The following SSUH2 variants were observed in gnomAD, a reference collection of about 807,000 sequenced individuals.
SSUH2 encodes the protein protein SSUH2 homolog.
In SSUH2, 47 loss-of-function variants were observed where a neutral mutation model predicts 55.3. The ratio of observed to expected loss-of-function variants is 0.85; its 90% CI spans 0.67 to 1.08. SSUH2 has a LOEUF of 1.08. Among genes scored for constraint, SSUH2 ranks in the 50% least tolerant of loss-of-function variants. The pLI is 0.00. For missense variants in SSUH2, 535 were observed against 490.7 expected (o/e 1.09, Z -0.85); for synonymous variants, 212 against 191.5 (o/e 1.11, Z -0.89).
upstream of SSUH2, among the ~76,000 whole-genome samples, chr3:8,646,562 T>C (rs1372077837): frequency 6.6e-6 from 1 of 152,172 alleles, no homozygotes; most frequent in African/African-American, 2.4e-5. Context: ...GATCACATAA[T>C]AGTAAGTTAA....
chr3:8,629,671 G>A lies in SSUH2; in HGVS notation c.581C>T (p.Ala194Val), dbSNP rs147390828. The change falls in exon 7 of 12, where the codon GCG becomes GTG. Residue 194 changes from alanine to valine, a missense_variant. By Grantham distance (64) the Ala-to-Val change is moderately conservative. Coordinates refer to ENST00000544814, the MANE Select transcript of SSUH2 (RefSeq NM_001256748.3). ...GGTTCACAGATGACTCACCGTGCCC[G>A]CCCCGTGGCAGCCGCTGCACTTGTA... ...GRYKCSGCHG[A>V]GTVRCPSCCG... 3.7e-5 allele frequency: 40 copies of A among 1,084,218 alleles called. No individual in the cohort carries two copies. The highest frequency in any genetic ancestry group is 2.5e-4 in the East Asian group (8 of 32,508). The allele number at this position is 1,084,218 out of a possible 1,614,324, so 67.2% of individuals were successfully genotyped here. A position where few individuals can be genotyped will look rare whatever the true frequency, so the allele number is the denominator to read the frequency against.
In SSUH2 at chr3:8,633,769, G is replaced by A; in HGVS notation, c.236C>T (p.Ala79Val). The A allele has an allele frequency of 2.5e-6, 4 of 1,611,614 alleles. No homozygotes were observed. Among genetic ancestry groups the A allele is most frequent in the Non-Finnish European group, 3.4e-6 (4 of 1,178,514 alleles). Residue 79 changes from alanine to valine, a missense_variant, in exon 4 of 12, where the codon GCC (alanine) becomes GTC (valine). Physicochemically the swap from Ala to Val is moderately conservative, Grantham distance 64. Coordinates refer to ENST00000544814, the MANE Select transcript of SSUH2 (RefSeq NM_001256748.3). The part of the protein sequence containing the change: ...HRVPAMTEEV[A>V]REALLSFVDS... ...CACAAAGCTGAGGAGGGCTTCCCGG[G>A]CCACCTCCTCCGTCATCGCAGGGAC... is the stretch of plus-strand genomic sequence containing the variant.
chr3:8,637,942 T>G (rs1700194310), intron 1 of SSUH2, among the ~76,000 whole-genome samples: 1 of 152,174 alleles, frequency 6.6e-6, no homozygotes, highest in Non-Finnish European at 1.5e-5. Context: ...CCCTGTCCCT[T>G]CAAGTTTAAT....
chr3:8,679,595 C>T (rs1445688181), intron 2 of SSUH2: 7 of 164,644 alleles, frequency 4.3e-5, no homozygotes, highest in South Asian at 2.0e-4. Flanking sequence ...CTTGGGACCC[C>T]CATCGAAGGG....
chr3:8,623,711 G>C (rs1559283630), intron 10 of SSUH2, 55 bp from the exon 11 acceptor site: 3 of 937,006 alleles, frequency 3.2e-6, no homozygotes, highest in Non-Finnish European at 3.3e-6. Context: ...TGGAGCCTTG[G>C]AAGTCACTGG....
chr3:8,658,041 A>T (rs1053208995), intron 7 of SSUH2, among the ~76,000 whole-genome samples: 2 of 152,116 alleles, frequency 1.3e-5, no homozygotes, highest in African/African-American at 4.8e-5. Context: ...AAGAGCATCC[A>T]CTCTGCAGTG....
intron 7 of SSUH2, among the ~76,000 whole-genome samples, chr3:8,658,532 A>G (rs1265125514): frequency 6.6e-6 from 1 of 152,198 alleles, no homozygotes; most frequent in African/African-American, 2.4e-5. Flanking sequence ...TCTGTGATGC[A>G]TTCTTGGGCT....
At position 8,633,811 on chromosome 3, in the gene SSUH2, CAG is replaced by C; in HGVS notation, c.210-18_210-17del. 6.2e-7 allele frequency: 1 copy of C among 1,613,784 alleles called. No individual in the cohort carries two copies. The highest frequency in any genetic ancestry group is 8.5e-7 in the Non-Finnish European group (1 of 1,179,988). On this transcript the variant is annotated splice_polypyrimidine_tract_variant and intron_variant, in intron 3 of 11. Transcript: ENST00000544814. ...CGCAGGGACTCTGCAGGGGACCGAA[CAG>C]AGAGGCGGGGGCTTCTGGGAAGGGC...
intron 5 of SSUH2, chr3:8,664,041 C>T (rs936368475): frequency 3.3e-5 from 11 of 335,184 alleles, no homozygotes; most frequent in South Asian, 6.9e-5. Context: ...CATGTCAACA[C>T]GAGGTTTCTG....
chr3:8,655,869 G>A (rs1702888362), intron 7 of SSUH2, among the ~76,000 whole-genome samples: 1 of 152,148 alleles, frequency 6.6e-6, no homozygotes, highest in African/African-American at 2.4e-5. Flanking sequence ...AACCCGCTCT[G>A]TTCTATCCTA....
At chr3:8,646,499 A>G (rs1040554506), upstream of SSUH2, among the ~76,000 whole-genome samples, 2 of 152,202 alleles carry the variant, frequency 1.3e-5, no homozygotes, top group Non-Finnish European at 2.9e-5. Context: ...GTATTTTCGT[A>G]ACCAGGAAGT....
intron 11 of SSUH2, among the ~76,000 whole-genome samples, chr3:8,620,760 G>A (rs182033756): frequency 1.3e-3 from 205 of 152,272 alleles, no homozygotes; most frequent in Admixed American, 2.4e-3. Flanking sequence ...GGATAAAGTC[G>A]GTTTAAACAT....
chr3:8,626,537 G>GCCCCCCCCCCCCCCCC (rs58662232), intron 8 of SSUH2, among the ~76,000 whole-genome samples: 1 of 107,654 alleles, frequency 9.3e-6, no homozygotes, highest in African/African-American at 3.6e-5. Context: ...TCTAGGGCCT[G>GCCCCCCCCCCCCCCCC]CCCCCCCCCC....
At chr3:8,634,451 C>G (rs1325920803) in intron 3 of SSUH2, 2 of 1,290,160 alleles carry the variant, frequency 1.6e-6, no homozygotes, top group Admixed American at 2.3e-5. Flanking sequence ...CCTTCCTCCC[C>G]TTGCATCTTC....
chr3:8,680,511 C>A (rs192976444), intron 1 of SSUH2, among the ~76,000 whole-genome samples: 37 of 152,138 alleles, frequency 2.4e-4, no homozygotes, highest in East Asian at 1.5e-3. Context: ...AGAACAGTAT[C>A]ACAGGGGTGT....
At chr3:8,660,351 C>T (rs1021189029) in intron 6 of SSUH2, among the ~76,000 whole-genome samples, 1 of 152,198 alleles carries the variant, frequency 6.6e-6, no homozygotes, top group East Asian at 1.9e-4. Context: ...TGACCTCACT[C>T]GCCTCTCATC....
intron 10 of SSUH2, among the ~76,000 whole-genome samples, chr3:8,624,230 C>G (rs1160352211): frequency 6.6e-6 from 1 of 152,188 alleles, no homozygotes; most frequent in Non-Finnish European, 1.5e-5. Flanking sequence ...CCTGTTCTGC[C>G]CCTCATTGTG....
chr3:8,624,690 C>T (rs1697161658), intron 10 of SSUH2, among the ~76,000 whole-genome samples: 1 of 152,216 alleles, frequency 6.6e-6, no homozygotes, highest in African/African-American at 2.4e-5. Context: ...GTCCCACCAT[C>T]AGGAAAGCGG....
In SSUH2 at chr3:8,654,310, G is replaced by A. The variant is rs192920527; in HGVS notation, c.-307+4615C>T. 4.5e-3 allele frequency among the ~76,000 whole-genome samples: 680 copies of A among 152,292 alleles called. 3 individuals carry two copies. The highest frequency in any genetic ancestry group is 7.3e-3 in the Non-Finnish European group (494 of 68,022). ...CCATCTCCAAATACTATCACATTAG[G>A]GGGTAGGGCTTCAACAGATGAATTT... On this transcript the variant is annotated intron_variant, in intron 7 of 18. Transcript: ENST00000317371.
Sources: gnomAD v4.1 joint callset for allele counts (sites outside exome capture counted in the v4.1 genomes callset) on GRCh38, gnomAD v4.1.1 for gene constraint, MANE v1.5 for transcripts, NCBI Gene and HGNC (gene_info 2026-07-23, HGNC 2026-07-21) for gene names.